Variants in LARP4B observed in about 807,000 individuals in gnomAD.
LARP4B encodes the protein la-related protein 4B.
Under a neutral mutation model 89.8 loss-of-function variants are expected in LARP4B, and 12 were observed. The ratio of observed to expected loss-of-function variants is 0.13; its 90% CI spans 0.09 to 0.22. The LOEUF (loss-of-function observed/expected upper bound fraction) is 0.22, where lower values mean the gene tolerates loss of function less well. Among genes scored for constraint, LARP4B ranks in the 10% least tolerant of loss-of-function variants. The pLI is 1.00. For synonymous variants in LARP4B, 367 were observed against 363.3 expected (o/e 1.01, Z -0.12); for missense variants, 757 against 947.7 (o/e 0.80, Z 2.64).
intron 7 of LARP4B, among the ~76,000 whole-genome samples, chr10:837,538 C>A (rs2131702131): frequency 6.6e-6 from 1 of 152,312 alleles, no homozygotes; most frequent in South Asian, 2.1e-4. Context: ...AGGTTCTGAA[C>A]CTACTTTAAG....
At chr10:816,789 A>G (rs906803419) in intron 15 of LARP4B, among the ~76,000 whole-genome samples, 1 of 152,194 alleles carries the variant, frequency 6.6e-6, no homozygotes, top group African/African-American at 2.4e-5. Flanking sequence ...AAAGGACTAG[A>G]CACGTCACCT....
chr10:957,993 C>T, the LARP4B span, among the ~76,000 whole-genome samples: 3 of 151,932 alleles, frequency 2.0e-5, no homozygotes, highest in South Asian at 2.1e-4. Flanking sequence ...GATGGGGTTT[C>T]GCCATGTTGC....
chr10:830,568 C>T (rs2131663992), intron 9 of LARP4B, among the ~76,000 whole-genome samples: 1 of 152,300 alleles, frequency 6.6e-6, no homozygotes, highest in South Asian at 2.1e-4. Context: ...AAATTTCCCC[C>T]CAAACACTTT....
chr10:889,676 A>G (rs549502599), intron 1 of LARP4B, among the ~76,000 whole-genome samples: 1 of 152,324 alleles, frequency 6.6e-6, no homozygotes, highest in East Asian at 1.9e-4. Context: ...TTTCCCAAAC[A>G]ACGTAAGAAG....
chr10:847,803 C>T (rs949593465), intron 5 of LARP4B, among the ~76,000 whole-genome samples: 1 of 152,102 alleles, frequency 6.6e-6, no homozygotes, highest in African/African-American at 2.4e-5. Flanking sequence ...TGCTGGGATT[C>T]CAGGCGTGAG....
intron 1 of LARP4B, among the ~76,000 whole-genome samples, chr10:929,107 T>G (rs1230359003): frequency 2.0e-5 from 3 of 152,196 alleles, no homozygotes; most frequent in African/African-American, 7.2e-5. Flanking sequence ...ATAGTACCCA[T>G]GTTATCTTTT....
In LARP4B at chr10:825,808, C is replaced by T. The variant is rs143893824; in HGVS notation, c.1188G>A (p.Ala396=). Residue 396 remains alanine, a synonymous_variant, in exon 12 of 18, where the codon GCG becomes GCA. Coordinates refer to ENST00000316157, the MANE Select transcript of LARP4B (RefSeq NM_015155.3). ...NGFTSPAFKP[A]ASPLTSLRQY... is the part of the protein sequence containing the mutation. ...GTCTGAGAGAAGTCAGAGGAGACGC[C>T]GCAGGCTTGAACGCTGGAGACGTAA... 3.1e-4 allele frequency: 496 copies of T among 1,613,874 alleles called. 1 individual carries two copies. Among genetic ancestry groups the T allele is most frequent in the Non-Finnish European group, 3.9e-4 (462 of 1,179,892 alleles).
rs1485845102 is a variant in LARP4B, at chr10:842,980, T to C, written c.598A>G (p.Ile200Val). 3.1e-6 allele frequency: 5 copies of C among 1,614,100 alleles called. No individual in the cohort carries two copies. The highest frequency in any genetic ancestry group is 4.2e-6 in the Non-Finnish European group (5 of 1,180,020). ...TCCACATCAGTGCTGAGCTTCTTGA[T>C]GTGGTCGAGGTTAGCCACCGTTGTG... ...PITTVANLDHIKKLSTDVDLI... is the reference protein window; with the variant it reads ...PITTVANLDHVKKLSTDVDLI... Residue 200 changes from isoleucine to valine, a missense_variant, in exon 7 of 18, where the codon ATC becomes GTC. By Grantham distance (29) the Ile-to-Val change is conservative. Around this residue, in one of 5 missense-constraint regions of LARP4B, gnomAD observed 54 missense variants for 96.0 expected, o/e 0.56. Transcript: ENST00000316157.
the LARP4B span, among the ~76,000 whole-genome samples, chr10:979,961 ACT>A: frequency 6.6e-6 from 1 of 152,090 alleles, no homozygotes; most frequent in African/African-American, 2.4e-5. Context: ...ACAGAGCGAG[ACT>A]CTGTCTTTAC....
At chr10:815,126 T>C in intron 15 of LARP4B, 56 bp from the exon 16 acceptor site, 1 of 1,502,304 alleles carries the variant, frequency 6.7e-7, no homozygotes, top group African/African-American at 1.4e-5. Context: ...GCGGAGCTGG[T>C]ACCAGTGCCC....
At chr10:843,665 C>T (rs779958030) in intron 6 of LARP4B, among the ~76,000 whole-genome samples, 1 of 152,008 alleles carries the variant, frequency 6.6e-6, no homozygotes, top group Non-Finnish European at 1.5e-5. Context: ...CACCACTGCA[C>T]TCTAGCCTGG....
intron 3 of LARP4B, among the ~76,000 whole-genome samples, chr10:873,666 T>C (rs1020158664): frequency 2.0e-5 from 3 of 151,920 alleles, no homozygotes; most frequent in East Asian, 3.9e-4. Context: ...CTGAAATAAA[T>C]AGCAATTTAA....
chr10:885,663 T>C lies in LARP4B; in HGVS notation c.59A>G (p.Glu20Gly). ...CACCAGATGAGCGCTGTCCTTGCCC[T>C]CCTGGACTCTCTGCGTCTGCGGTTC... Reference protein sequence around the residue: ...VAEPQTQRVQEGKDSAHLMNG... With the variant: ...VAEPQTQRVQGGKDSAHLMNG... The change falls in exon 2 of 18, where the codon GAG (glutamate) becomes GGG (glycine). Residue 20 changes from glutamate to glycine, a missense_variant. Transcript: ENST00000316157. 6.2e-7 allele frequency: 1 copy of C among 1,614,070 alleles called. No homozygotes were observed.
intron 1 of LARP4B, among the ~76,000 whole-genome samples, chr10:910,141 G>A (rs536593286): frequency 4.6e-5 from 7 of 152,250 alleles, no homozygotes; most frequent in East Asian, 1.9e-4. Flanking sequence ...CTATGACAAC[G>A]ATGAACAATG....
At position 846,363 on chromosome 10, in the gene LARP4B, A is replaced by C. The variant is rs546655172; in HGVS notation, c.431-1308T>G. ...AGAGAGAAACGGACACTGAGGAAAC[A>C]ACCCAGGATGAGGGGCAGCAAGGCC... On this transcript the variant is annotated intron_variant, in intron 5 of 17. Coordinates refer to ENST00000316157, the MANE Select transcript of LARP4B (RefSeq NM_015155.3). Among the ~76,000 whole-genome samples, 16 of 152,326 alleles carry C rather than the reference A, an allele frequency of 1.1e-4. No homozygotes were observed. The East Asian group carries it at 2.9e-3, about 28-fold the overall frequency.
intron 17 of LARP4B, 118 bp from the exon 18 acceptor site, chr10:813,331 T>C: frequency 1.0e-6 from 1 of 995,046 alleles, no homozygotes; most frequent in East Asian, 2.6e-5. Context: ...CCATCTTCAC[T>C]AGTGTTTTTA....
chr10:892,184 T>C (rs1192258659), intron 1 of LARP4B, among the ~76,000 whole-genome samples: 2 of 152,230 alleles, frequency 1.3e-5, no homozygotes, highest in Non-Finnish European at 2.9e-5. Flanking sequence ...CCTTACTGAA[T>C]TGGACAGGAG....
intron 1 of LARP4B, among the ~76,000 whole-genome samples, chr10:920,099 A>C (rs1836938875): frequency 6.6e-6 from 1 of 152,246 alleles, no homozygotes; most frequent in Non-Finnish European, 1.5e-5. Context: ...AACATACATA[A>C]AATTAATGCT....
intron 14 of LARP4B, chr10:820,347 C>G (rs1346948494): frequency 6.4e-6 from 1 of 157,186 alleles, no homozygotes; most frequent in African/African-American, 2.4e-5. Flanking sequence ...GGAGATAATG[C>G]TTTCTACACA....
Sources: allele counts gnomAD v4.1 joint callset (sites outside exome capture counted in the v4.1 genomes callset), GRCh38; gene constraint gnomAD v4.1.1; regional missense constraint gnomAD v4.1.1; transcripts MANE v1.5; gene names NCBI Gene and HGNC (gene_info 2026-07-23, HGNC 2026-07-21).